Variants in ITGB1 observed in about 807,000 individuals in gnomAD.
The protein encoded by ITGB1 is integrin subunit beta 1, also known as integrin beta-1.
Under a neutral mutation model 86.5 loss-of-function variants are expected in ITGB1, and 24 were observed. That is an observed-to-expected ratio of 0.28 (90% CI 0.20 to 0.39). The LOEUF (loss-of-function observed/expected upper bound fraction) is 0.39. ITGB1 is among the 10% of genes least tolerant of loss of function. The probability of loss-of-function intolerance (pLI) is 1.00; values close to 1 mark genes in which losing one functional copy is unlikely to be tolerated. For missense variants in ITGB1, 556 were observed against 946.9 expected (o/e 0.59, Z 5.42); for synonymous variants, 323 against 316.8 (o/e 1.02, Z -0.21).
chr10:32,920,411 G>A, intron 9 of ITGB1, 26 bp from the exon 10 acceptor site: 1 of 1,603,914 alleles, frequency 6.2e-7, no homozygotes, highest in Non-Finnish European at 8.5e-7. Flanking sequence ...ATTATACACA[G>A]GAAAAGTCAA....
chr10:32,909,717 C>G (rs754381566), intron 14 of ITGB1, among the ~76,000 whole-genome samples: 18 of 151,390 alleles, frequency 1.2e-4, no homozygotes, highest in Non-Finnish European at 2.2e-4. Context: ...TATGTTCACA[C>G]AAAAACATGT....
At chr10:32,946,010 T>C (rs990991149) in intron 1 of ITGB1, among the ~76,000 whole-genome samples, 1 of 152,222 alleles carries the variant, frequency 6.6e-6, no homozygotes, top group Non-Finnish European at 1.5e-5. Context: ...AAATTGACAT[T>C]ATAAGTTCTT....
At position 32,908,354 on chromosome 10, in the gene ITGB1, G is replaced by A; in HGVS notation, c.2331+14C>T. Reference sequence around the variant, plus strand: ...TTATAAGCCACTTTGCTTTTTGGATGTTTTGTAACTTACCGTGTCCCATTT... The same window carrying A: ...TTATAAGCCACTTTGCTTTTTGGATATTTTGTAACTTACCGTGTCCCATTT... On this transcript the variant is annotated intron_variant, in intron 15 of 15. Transcript: ENST00000302278. 1 of 1,613,316 alleles carries A rather than the reference G, an allele frequency of 6.2e-7. No individual in the cohort carries two copies. Among genetic ancestry groups the A allele is most frequent in the Non-Finnish European group, 8.5e-7 (1 of 1,179,330 alleles).
At chr10:32,904,434 T>A (rs1309869764) in intron 15 of ITGB1, among the ~76,000 whole-genome samples, 1 of 152,194 alleles carries the variant, frequency 6.6e-6, no homozygotes, top group South Asian at 2.1e-4. Flanking sequence ...AATGCAGAAG[T>A]GTGGGAGATT....
At chr10:32,951,078 T>C (rs1193500719) in intron 1 of ITGB1, among the ~76,000 whole-genome samples, 1 of 152,004 alleles carries the variant, frequency 6.6e-6, no homozygotes, top group Non-Finnish European at 1.5e-5. Flanking sequence ...ACTTAACACC[T>C]AGGAAAGACT....
intron 15 of ITGB1, among the ~76,000 whole-genome samples, chr10:32,902,683 A>C (rs1052573429): frequency 1.3e-5 from 2 of 152,220 alleles, no homozygotes; most frequent in African/African-American, 4.8e-5. Flanking sequence ...ATTTTTAAAA[A>C]AATATTTATA....
intron 10 of ITGB1, 44 bp downstream of exon 10, chr10:32,920,201 T>C (rs1018646625): frequency 1.3e-6 from 2 of 1,592,332 alleles, no homozygotes; most frequent in Admixed American, 3.5e-5. Context: ...AATTTGCTTA[T>C]AAATAACCAA....
chr10:32,956,195 T>C (rs900517736), intron 1 of ITGB1, among the ~76,000 whole-genome samples: 46 of 152,208 alleles, frequency 3.0e-4, no homozygotes, highest in African/African-American at 1.1e-3. Flanking sequence ...TTTAAAAATA[T>C]GAGAATTATA....
intron 1 of ITGB1, among the ~76,000 whole-genome samples, chr10:32,951,366 T>C (rs931420699): frequency 2.6e-5 from 4 of 151,830 alleles, no homozygotes; most frequent in African/African-American, 9.7e-5. Context: ...TGAGAAACGT[T>C]GTCTAATGGT....
chr10:32,955,959 C>T (rs781284989), intron 1 of ITGB1, among the ~76,000 whole-genome samples: 17 of 152,130 alleles, frequency 1.1e-4, no homozygotes, highest in Non-Finnish European at 1.8e-4. Flanking sequence ...TCAACACAGA[C>T]GAGTTAAACA....
chr10:32,905,719 G>A (rs976707667), intron 15 of ITGB1, among the ~76,000 whole-genome samples: 1 of 152,162 alleles, frequency 6.6e-6, no homozygotes, highest in Non-Finnish European at 1.5e-5. Context: ...CTTTCACTAT[G>A]AAGATTAAAC....
chr10:32,919,992 T>C lies in ITGB1; in HGVS notation c.1362A>G (p.Val454=). 1 of 1,614,010 alleles carries C rather than the reference T, an allele frequency of 6.2e-7. No individual in the cohort carries two copies. The highest frequency in any genetic ancestry group is 8.5e-7 in the Non-Finnish European group (1 of 1,179,906). ...CACAGATGTACTGAAGAATAACCTC[T>C]ACTTCCTCCGTAAAGCCCAGAGGCC... ...KIRPLGFTEE[V]EVILQYICEC... The change falls in exon 11 of 16, where the codon GTA becomes GTG. Residue 454 remains valine (V), a synonymous_variant. Transcript: ENST00000302278.
At chr10:32,902,056 G>A (rs1190732997) in intron 15 of ITGB1, among the ~76,000 whole-genome samples, 2 of 152,102 alleles carry the variant, frequency 1.3e-5, no homozygotes, top group South Asian at 2.1e-4. Context: ...TAATCAAAAC[G>A]GGAATCCTCG....
chr10:32,914,776 G>A (rs1214273063), intron 11 of ITGB1, among the ~76,000 whole-genome samples: 4 of 151,666 alleles, frequency 2.6e-5, no homozygotes, highest in Non-Finnish European at 5.9e-5. Context: ...AGTTAACAAG[G>A]ATATCCAGGA....
At chr10:32,951,640 C>T (rs2095042835) in intron 1 of ITGB1, 1 of 152,218 alleles carries the variant, frequency 6.6e-6, no homozygotes, top group Non-Finnish European at 1.5e-5. Context: ...TTCTTCCCAG[C>T]TCCTCCTTCC....
chr10:32,926,021 G>A lies in ITGB1; in HGVS notation c.636C>T (p.Asn212=), dbSNP rs2094963387. 2 of 1,613,970 alleles carry A rather than the reference G, an allele frequency of 1.2e-6. No individual in the cohort carries two copies. The highest frequency in any genetic ancestry group is 8.5e-7 in the Non-Finnish European group (1 of 1,179,986). The change falls in exon 6 of 16, where the codon AAC becomes AAT. Residue 212 remains asparagine, a synonymous_variant. Transcript: ENST00000302278. The stretch of plus-strand genomic sequence containing the variant: ...TTTTGTAGCTAAATGGGCTGGTGCA[G>A]TTCTGTTCACTTGTGCAAGGGTTCC... ...KLRNPCTSEQ[N]CTSPFSYKNV...
intron 15 of ITGB1, among the ~76,000 whole-genome samples, chr10:32,902,577 T>C (rs1226335199): frequency 6.6e-6 from 1 of 152,184 alleles, no homozygotes; most frequent in African/African-American, 2.4e-5. Flanking sequence ...AAATAAAAAA[T>C]ACTTGTTAAC....
intron 11 of ITGB1, among the ~76,000 whole-genome samples, chr10:32,912,852 C>T (rs1361018452): frequency 6.6e-6 from 1 of 152,200 alleles, no homozygotes; most frequent in African/African-American, 2.4e-5. Flanking sequence ...TGAGAATGGA[C>T]AGACTGCCTC....
intron 5 of ITGB1, among the ~76,000 whole-genome samples, chr10:32,927,614 A>C (rs370848677): frequency 6.6e-6 from 1 of 152,270 alleles, no homozygotes; most frequent in South Asian, 2.1e-4. Context: ...CAACATGGTG[A>C]AACCCCCATC....
Sources: allele counts gnomAD v4.1 joint callset (sites outside exome capture counted in the v4.1 genomes callset), GRCh38; gene constraint gnomAD v4.1.1; transcripts MANE v1.5; gene names NCBI Gene and HGNC (gene_info 2026-07-23, HGNC 2026-07-21).